C5: variants seen among roughly 807,000 people sequenced by gnomAD.
C5 encodes the protein C3 and PZP-like alpha-2-macroglobulin domain-containing protein 4.
In C5, 140 loss-of-function variants were observed where a neutral mutation model predicts 218.8. The observed-to-expected ratio is 0.64, with a 90% CI of 0.56 to 0.74. The LOEUF (loss-of-function observed/expected upper bound fraction) is 0.74. C5 is among the 30% of genes least tolerant of loss of function. The pLI is 0.00. For missense variants in C5, 1,700 were observed against 1,969.6 expected, an observed-to-expected ratio of 0.86 and a Z score of 2.59; for synonymous variants, 614 against 682.3, an observed-to-expected ratio of 0.90 and a Z score of 1.56.
At chr9:121,034,381 A>C (rs2047504855) in intron 5 of C5, among the ~76,000 whole-genome samples, 1 of 152,178 alleles carries the variant, frequency 6.6e-6, no homozygotes, top group Non-Finnish European at 1.5e-5. Flanking sequence ...CAAATAATAG[A>C]TATAGCTCTG....
chr9:121,017,894 C>T, intron 12 of C5, 42 bp from the exon 13 acceptor site: 1 of 1,234,992 alleles, frequency 8.1e-7, no homozygotes, highest in East Asian at 2.3e-5. Context: ...AAAAAATAAA[C>T]AAACAAAAAC....
the C5 span, among the ~76,000 whole-genome samples, chr9:121,060,121 C>T: frequency 6.6e-6 from 1 of 152,196 alleles, no homozygotes; most frequent in Non-Finnish European, 1.5e-5. Flanking sequence ...ACATTCACTA[C>T]CACCACCCAA....
the C5 span, among the ~76,000 whole-genome samples, chr9:121,070,829 G>A: frequency 6.6e-6 from 1 of 151,950 alleles, no homozygotes; most frequent in African/African-American, 2.4e-5. Flanking sequence ...TATAGGATGA[G>A]GATAGTTAAC....
chr9:120,972,146 T>G (rs898272521), intron 30 of C5, among the ~76,000 whole-genome samples, 154 bp from the exon 31 acceptor site: 1 of 152,208 alleles, frequency 6.6e-6, no homozygotes, highest in Non-Finnish European at 1.5e-5. Flanking sequence ...CCTATGCCCA[T>G]GGCAGGTGCT....
intron 38 of C5, among the ~76,000 whole-genome samples, chr9:120,959,907 C>A (rs2046814331): frequency 6.6e-6 from 1 of 152,290 alleles, no homozygotes; most frequent in South Asian, 2.1e-4. Flanking sequence ...TCTGGTCTAT[C>A]AATTGGAAGA....
chr9:121,062,133 G>C, the C5 span, among the ~76,000 whole-genome samples: 5 of 152,012 alleles, frequency 3.3e-5, no homozygotes, highest in African/African-American at 1.2e-4. Context: ...TGTTCCAATG[G>C]AGAATGTGGT....
intron 40 of C5, among the ~76,000 whole-genome samples, 178 bp from the exon 41 acceptor site, chr9:120,953,046 C>T (rs1189307159): frequency 6.6e-6 from 1 of 152,198 alleles, no homozygotes; most frequent in Non-Finnish European, 1.5e-5. Context: ...GCCTCAGCCT[C>T]CCGAGTAGCT....
chr9:120,953,405 C>T (rs540879797), intron 40 of C5, among the ~76,000 whole-genome samples: 3 of 152,174 alleles, frequency 2.0e-5, no homozygotes, highest in Non-Finnish European at 4.4e-5. Context: ...TTTCTAAAAG[C>T]AGATAATACA....
chr9:120,986,334 A>C (rs1396151469), intron 25 of C5, among the ~76,000 whole-genome samples: 1 of 151,232 alleles, frequency 6.6e-6, no homozygotes, highest in Non-Finnish European at 1.5e-5. Context: ...GCTTGTAGTT[A>C]AAGAGAAAAG....
At chr9:121,027,740 G>A (rs41308036) in intron 7 of C5, among the ~76,000 whole-genome samples, 19,571 of 150,844 alleles carry the variant, frequency 0.13, 1,377 homozygotes, top group East Asian at 0.18. Context: ...CCATAAAAAC[G>A]CTAGAAGAAA....
chr9:121,037,043 G>A (rs569645223), intron 4 of C5, among the ~76,000 whole-genome samples: 36 of 152,054 alleles, frequency 2.4e-4, no homozygotes, highest in Middle Eastern at 3.4e-3. Context: ...GATCATGGGA[G>A]TTCAATGCAC....
At chr9:121,002,298 GTATATATATA>G (rs1214836550) in intron 20 of C5, among the ~76,000 whole-genome samples, 4 of 100,098 alleles carry the variant, frequency 4.0e-5, no homozygotes, top group South Asian at 3.7e-4. Flanking sequence ...ATGTATATAT[GTATATATATA>G]TGTGTGTGTA....
the C5 span, among the ~76,000 whole-genome samples, chr9:121,069,500 C>T: frequency 2.6e-5 from 4 of 151,814 alleles, no homozygotes; most frequent in Admixed American, 2.6e-4. Context: ...ACAACAAATG[C>T]TGGGGAGGAT....
chr9:120,996,482 G>C lies in C5; in HGVS notation c.2791-182C>G, dbSNP rs189000341. 1.4e-4 allele frequency among the ~76,000 whole-genome samples: 21 copies of C among 152,272 alleles called. No individual in the cohort carries two copies. The East Asian group carries it at 4.0e-3, about 29-fold the overall frequency. On this transcript the variant is annotated intron_variant, in intron 21 of 40. Transcript: ENST00000223642. ...AAGATTTTATGGCTATTTGCATATT[G>C]ACCAGAGCAAATGCTTAAAAAGAAG...
chr9:120,983,051 T>G (rs1475085064), intron 25 of C5, among the ~76,000 whole-genome samples: 2 of 152,182 alleles, frequency 1.3e-5, no homozygotes, highest in Admixed American at 6.5e-5. Flanking sequence ...GCACACAAGC[T>G]AAAAATTGAT....
chr9:120,972,304 T>A (rs2046920782), intron 30 of C5, among the ~76,000 whole-genome samples: 1 of 152,208 alleles, frequency 6.6e-6, no homozygotes, highest in African/African-American at 2.4e-5. Flanking sequence ...GATCTTCATC[T>A]CCTTTTGCCA....
the C5 span, among the ~76,000 whole-genome samples, chr9:121,069,353 A>C: frequency 6.6e-6 from 1 of 152,216 alleles, no homozygotes; most frequent in African/African-American, 2.4e-5. Flanking sequence ...TCTCAAAAAG[A>C]AGACATACAA....
intron 23 of C5, among the ~76,000 whole-genome samples, chr9:120,990,054 T>C (rs768347118): frequency 6.6e-6 from 1 of 152,152 alleles, no homozygotes; most frequent in Non-Finnish European, 1.5e-5. Context: ...GGCAAATTAG[T>C]TGCCATTCAA....
At chr9:121,063,731 T>C in the C5 span, among the ~76,000 whole-genome samples, 4 of 152,184 alleles carry the variant, frequency 2.6e-5, no homozygotes, top group African/African-American at 9.7e-5. Flanking sequence ...GTGCAAAATG[T>C]TTTTGAAAAA....
Sources: allele counts gnomAD v4.1 joint callset (sites outside exome capture counted in the v4.1 genomes callset), GRCh38; gene constraint gnomAD v4.1.1; transcripts MANE v1.5; gene names NCBI Gene and HGNC (gene_info 2026-07-23, HGNC 2026-07-21).